Variants in STX1B observed in about 807,000 individuals in gnomAD.
STX1B encodes syntaxin-1B.
A neutral mutation model predicts 39.4 loss-of-function variants in STX1B; 7 were observed. That is an observed-to-expected ratio of 0.18 (90% CI 0.10 to 0.33). STX1B has a LOEUF of 0.33. Ranked by LOEUF, STX1B falls within the 10% of genes least tolerant of loss-of-function variation. The pLI is 1.00. For synonymous variants in STX1B, 136 were observed against 144.1 expected (o/e 0.94, Z 0.40); for missense variants, 198 against 383.2 (o/e 0.52, Z 4.04).
chr16:31,001,777 G>T lies in STX1B; in HGVS notation c.31-174C>A, dbSNP rs1270444106. ...AGGGTAGATGGCAAAGGCACCAAAA[G>T]TGTTTGTCAGCCCAAAGGATTCCTT... On this transcript the variant is annotated intron_variant, in intron 1 of 9. Transcript: ENST00000215095. This position sits in a 1 kb window ranked among gnomAD's most constrained non-coding sequence, Gnocchi z 5.5. Among the ~76,000 whole-genome samples the T allele has an allele frequency of 6.6e-6, 1 of 152,160 alleles. No homozygotes were observed. Among genetic ancestry groups the T allele is most frequent in the Non-Finnish European group, 1.5e-5 (1 of 68,016 alleles).
intron 1 of STX1B, among the ~76,000 whole-genome samples, chr16:31,009,729 G>A (rs1221467118): frequency 6.6e-6 from 1 of 151,540 alleles, no homozygotes; most frequent in African/African-American, 2.4e-5. Context: ...AGCACGGCCC[G>A]TGTTCCATGG....
At chr16:31,008,941 G>A (rs2056667506) in intron 1 of STX1B, among the ~76,000 whole-genome samples, 1 of 152,122 alleles carries the variant, frequency 6.6e-6, no homozygotes, top group Non-Finnish European at 1.5e-5. Flanking sequence ...GAGTGAATAT[G>A]CATAAAACAC....
chr16:31,003,542 G>A (rs773599277), intron 1 of STX1B, among the ~76,000 whole-genome samples: 2 of 152,076 alleles, frequency 1.3e-5, no homozygotes, highest in Non-Finnish European at 2.9e-5. Flanking sequence ...CAGGTCATGC[G>A]GCCTCTCCCT....
intron 1 of STX1B, among the ~76,000 whole-genome samples, chr16:31,007,969 C>T (rs1189503656): frequency 3.9e-5 from 6 of 152,126 alleles, no homozygotes; most frequent in Admixed American, 3.9e-4. Context: ...GAATTTGAAC[C>T]CAGACAGTCT....
At chr16:31,008,029 T>G (rs140155247) in intron 1 of STX1B, among the ~76,000 whole-genome samples, 3 of 152,244 alleles carry the variant, frequency 2.0e-5, no homozygotes, top group Non-Finnish European at 2.9e-5. Context: ...CCCTTGGGAA[T>G]GCCAAGGTAC....
rs199558283 is a variant in STX1B, at chr16:31,000,885, C to T, written c.280+43G>A. ...AAAGGCCTGAGCCACCATGCTCCAC[C>T]CACAATTCTTTTCCTTCCTGGTTGA... On this transcript the variant is annotated intron_variant, in intron 4 of 9. Coordinates refer to ENST00000215095, the MANE Select transcript of STX1B (RefSeq NM_052874.5). 2.1e-3 allele frequency: 3,386 copies of T among 1,607,964 alleles called. 6 individuals are homozygous for T. The highest frequency in any genetic ancestry group is 2.8e-3 in the Non-Finnish European group (3,232 of 1,174,446).
intron 4 of STX1B, among the ~76,000 whole-genome samples, chr16:30,999,031 A>G (rs1329201783): frequency 6.6e-6 from 1 of 152,134 alleles, no homozygotes. Context: ...CTTTGGAAAA[A>G]AAAGTATTTT....
At chr16:31,007,891 C>T (rs1341439226) in intron 1 of STX1B, among the ~76,000 whole-genome samples, 12 of 152,306 alleles carry the variant, frequency 7.9e-5, no homozygotes, top group South Asian at 2.1e-4. Flanking sequence ...CCAACTCATA[C>T]GCGAAGAAAT....
chr16:30,997,094 AG>A, intron 5 of STX1B, 35 bp from the exon 6 acceptor site: 1 of 1,463,482 alleles, frequency 6.8e-7, no homozygotes, highest in Non-Finnish European at 9.6e-7. Flanking sequence ...CGGATCAGGG[AG>A]GTAGTCAGGG....
intron 4 of STX1B, among the ~76,000 whole-genome samples, chr16:31,000,553 C>T (rs923826785): frequency 6.6e-5 from 10 of 151,602 alleles, no homozygotes; most frequent in East Asian, 1.9e-4. Context: ...AGTGCAGTGG[C>T]GCGATCTCAG....
chr16:30,994,675 C>T (rs1358970371), intron 7 of STX1B, among the ~76,000 whole-genome samples: 2 of 151,998 alleles, frequency 1.3e-5, no homozygotes, highest in Non-Finnish European at 2.9e-5. Context: ...CAGCCTCAGC[C>T]AGGTGACTCA....
chr16:30,999,961 T>G (rs1437618970), intron 4 of STX1B, among the ~76,000 whole-genome samples: 1 of 152,176 alleles, frequency 6.6e-6, no homozygotes, highest in East Asian at 1.9e-4. Context: ...TAGAAATTCC[T>G]TAGAGAAAGG....
intron 1 of STX1B, among the ~76,000 whole-genome samples, chr16:31,007,729 C>G (rs565181687): frequency 3.3e-5 from 5 of 152,268 alleles, no homozygotes; most frequent in Admixed American, 6.5e-5. Context: ...TCGCAGGGGG[C>G]TTGTGTGGTG....
At chr16:31,004,505 C>G (rs2056646484) in intron 1 of STX1B, among the ~76,000 whole-genome samples, 1 of 152,020 alleles carries the variant, frequency 6.6e-6, no homozygotes, top group African/African-American at 2.4e-5. Flanking sequence ...AAGATCATGT[C>G]TCTACAAAAA....
At chr16:30,997,089 C>G (rs377491420) in intron 5 of STX1B, 30 bp from the exon 6 acceptor site, 54 of 1,501,642 alleles carry the variant, frequency 3.6e-5, no homozygotes, top group Admixed American at 1.4e-4. Context: ...ACAGACGGAT[C>G]AGGGAGGTAG....
chr16:31,003,961 C>A (rs2056644413), intron 1 of STX1B, among the ~76,000 whole-genome samples: 1 of 152,202 alleles, frequency 6.6e-6, no homozygotes, highest in Non-Finnish European at 1.5e-5. Context: ...GGCACCCAGG[C>A]CACATAGGGC....
In STX1B at chr16:30,992,641, C is replaced by CGG. The variant is rs56353515; in HGVS notation, c.*178_*179dup. ...GCCTGCTGCGATCTACGTGCGGGGA[C>CGG]GGGGGGGGGGTCCATGGCCCGGTGA... On this transcript the variant is annotated 3_prime_UTR_variant, in exon 10 of 10. Coordinates refer to ENST00000215095, the MANE Select transcript of STX1B (RefSeq NM_052874.5). 0.09 allele frequency: 36,106 copies of CGG among 399,268 alleles called. 412 individuals carry two copies. Among genetic ancestry groups the CGG allele is most frequent in the Non-Finnish European group, 0.11 (25,008 of 230,870 alleles). 24.7% of individuals were successfully genotyped at this position (399,268 alleles called of 1,614,324 possible). A position where few individuals can be genotyped will look rare whatever the true frequency, so the allele number is the denominator to read the frequency against.
At chr16:31,000,750 A>G in intron 4 of STX1B, 178 bp downstream of exon 4, 1 of 660,464 alleles carries the variant, frequency 1.5e-6, no homozygotes, top group Non-Finnish European at 2.6e-6. Context: ...TCGGCCTCCC[A>G]AACTGGCCCA....
intron 1 of STX1B, among the ~76,000 whole-genome samples, chr16:31,007,879 T>C (rs2056662517): frequency 1.3e-5 from 2 of 152,206 alleles, no homozygotes; most frequent in South Asian, 4.1e-4. Flanking sequence ...CTCTTACTTC[T>C]CCCAACTCAT....
Sources: gnomAD v4.1 joint callset for allele counts (sites outside exome capture counted in the v4.1 genomes callset) on GRCh38, gnomAD v4.1.1 for gene constraint, Gnocchi (gnomAD v3.1) non-coding constraint, MANE v1.5 for transcripts, NCBI Gene and HGNC (gene_info 2026-07-23, HGNC 2026-07-21) for gene names.